DOCK4: variants seen among roughly 807,000 people sequenced by gnomAD.
The protein encoded by DOCK4 is dedicator of cytokinesis protein 4.
In DOCK4, 97 loss-of-function variants were observed where a neutral mutation model predicts 268.1. The ratio of observed to expected loss-of-function variants is 0.36; its 90% CI spans 0.31 to 0.43. DOCK4 has a LOEUF of 0.43. Ranked by LOEUF, DOCK4 falls within the 20% of genes least tolerant of loss-of-function variation. The pLI is 1.00. For synonymous variants in DOCK4, 954 were observed against 887.2 expected (o/e 1.08, Z -1.34); for missense variants, 2,145 against 2,455.7 (o/e 0.87, Z 2.67).
chr7:112,123,730 A>G (rs1420311674), intron 1 of DOCK4, among the ~76,000 whole-genome samples: 1 of 152,204 alleles, frequency 6.6e-6, no homozygotes, highest in Non-Finnish European at 1.5e-5. Flanking sequence ...ACAGCCTTGA[A>G]CTATCTTCTG....
At chr7:112,076,108 C>A (rs1467651484) in intron 1 of DOCK4, among the ~76,000 whole-genome samples, 1 of 152,048 alleles carries the variant, frequency 6.6e-6, no homozygotes, top group Non-Finnish European at 1.5e-5. Context: ...TTTCAGGTAG[C>A]CATTTAAAGA....
intron 12 of DOCK4, 185 bp downstream of exon 12, chr7:111,935,355 G>C: frequency 1.5e-6 from 1 of 665,076 alleles, no homozygotes; most frequent in Admixed American, 2.2e-5. Flanking sequence ...TTTTTATAGG[G>C]AGTTATAAGT....
At chr7:111,940,271 C>A (rs1227534606) in intron 10 of DOCK4, 29 bp from the exon 11 acceptor site, 1 of 1,613,476 alleles carries the variant, frequency 6.2e-7, no homozygotes. Flanking sequence ...ATCATTAACC[C>A]ATGGAGCCAT....
intron 31 of DOCK4, chr7:111,789,008 T>C: frequency 3.9e-6 from 2 of 511,860 alleles, no homozygotes; most frequent in South Asian, 2.5e-5. Flanking sequence ...CAAACACAAA[T>C]GCTTGCAGCC....
At chr7:111,768,612 C>T (rs1053699301) in intron 37 of DOCK4, among the ~76,000 whole-genome samples, 2 of 152,066 alleles carry the variant, frequency 1.3e-5, no homozygotes, top group Non-Finnish European at 2.9e-5. Flanking sequence ...GTACTACAAG[C>T]CCTTGAAGAG....
At chr7:112,108,589 C>A (rs1811346071) in intron 1 of DOCK4, among the ~76,000 whole-genome samples, 1 of 152,176 alleles carries the variant, frequency 6.6e-6, no homozygotes, top group Non-Finnish European at 1.5e-5. Context: ...CTTTAATTTG[C>A]AGAACCCAGT....
At chr7:111,910,000 G>A (rs1414619234) in intron 13 of DOCK4, among the ~76,000 whole-genome samples, 2 of 151,798 alleles carry the variant, frequency 1.3e-5, no homozygotes, top group Admixed American at 6.6e-5. Flanking sequence ...ACGTTTTAGG[G>A]CTAAGAGCTT....
chr7:111,729,887 T>G (rs1379334035), intron 52 of DOCK4, among the ~76,000 whole-genome samples: 1 of 152,248 alleles, frequency 6.6e-6, no homozygotes, highest in African/African-American at 2.4e-5. Flanking sequence ...GTGAGCTGTT[T>G]CCTCAGCAGT....
At chr7:112,016,873 G>A (rs894626929) in intron 1 of DOCK4, among the ~76,000 whole-genome samples, 23 of 151,996 alleles carry the variant, frequency 1.5e-4, no homozygotes, top group Admixed American at 4.6e-4. Flanking sequence ...TTTCATACAC[G>A]GCATGATCTC....
At chr7:111,741,390 T>C (rs1173789252) in intron 46 of DOCK4, 150 bp downstream of exon 46, 1 of 1,372,138 alleles carries the variant, frequency 7.3e-7, no homozygotes, top group Non-Finnish European at 1.0e-6. Flanking sequence ...GCTGTTTTAC[T>C]GGTGGCAGAG....
intron 1 of DOCK4, among the ~76,000 whole-genome samples, chr7:112,036,027 T>C (rs776183875): frequency 6.6e-6 from 1 of 151,858 alleles, no homozygotes; most frequent in East Asian, 1.9e-4. Context: ...ACAAGAAAAA[T>C]AGGCTGACCA....
At position 111,872,101 on chromosome 7, in the gene DOCK4, A is replaced by G; in HGVS notation, c.1927-11T>C. The G allele has an allele frequency of 6.6e-7, 1 of 1,516,562 alleles. No individual in the cohort carries two copies. Among genetic ancestry groups the G allele is most frequent in the South Asian group, 1.3e-5 (1 of 78,484 alleles). 93.9% of individuals were successfully genotyped at this position (1,516,562 alleles called of 1,614,324 possible). On this transcript the variant is annotated splice_polypyrimidine_tract_variant and intron_variant, in intron 19 of 52. Coordinates refer to ENST00000428084, the MANE Select transcript of DOCK4 (RefSeq NM_001363540.2). ...ATTTATTATGTGAACCTAAAAAAAG[A>G]AAATTGAGCTTTATAAAACTAAATG...
chr7:111,822,562 A>G, intron 26 of DOCK4, 106 bp from the exon 27 acceptor site: 1 of 986,298 alleles, frequency 1.0e-6, no homozygotes, highest in Middle Eastern at 2.1e-4. Flanking sequence ...TTCCAAAGCA[A>G]TTATAGAGAA....
chr7:111,872,445 A>G, intron 18 of DOCK4, 22 bp downstream of exon 18: 1 of 1,554,194 alleles, frequency 6.4e-7, no homozygotes, highest in South Asian at 1.2e-5. Context: ...TGCAAGGAAA[A>G]TAGTAATGAA....
chr7:112,201,552 G>A (rs1260939311), intron 1 of DOCK4, among the ~76,000 whole-genome samples: 1 of 151,874 alleles, frequency 6.6e-6, no homozygotes, highest in Non-Finnish European at 1.5e-5. Flanking sequence ...TGACTCATCT[G>A]TGAATCTGTG....
At chr7:111,970,786 A>G (rs1797649530) in intron 8 of DOCK4, among the ~76,000 whole-genome samples, 1 of 152,178 alleles carries the variant, frequency 6.6e-6, no homozygotes, top group African/African-American at 2.4e-5. Flanking sequence ...TGAGGAAGGT[A>G]AACTGGAAAA....
At chr7:111,915,998 A>G (rs1702046734) in intron 12 of DOCK4, 94 bp from the exon 13 acceptor site, 1 of 1,358,420 alleles carries the variant, frequency 7.4e-7, no homozygotes, top group Non-Finnish European at 1.0e-6. Context: ...TTAGAATATC[A>G]TGGTTTTAAA....
At chr7:112,178,210 T>C (rs1299669834) in intron 1 of DOCK4, among the ~76,000 whole-genome samples, 1 of 152,242 alleles carries the variant, frequency 6.6e-6, no homozygotes, top group African/African-American at 2.4e-5. Context: ...AGAGTTGTCG[T>C]GTTCTTGCTT....
intron 13 of DOCK4, among the ~76,000 whole-genome samples, chr7:111,910,811 T>A (rs1469935453): frequency 6.6e-6 from 1 of 152,170 alleles, no homozygotes; most frequent in Non-Finnish European, 1.5e-5. Flanking sequence ...CAGTTGGAAG[T>A]CTGACACTCT....
Sources: allele counts gnomAD v4.1 joint callset (sites outside exome capture counted in the v4.1 genomes callset), GRCh38; gene constraint gnomAD v4.1.1; transcripts MANE v1.5; gene names NCBI Gene and HGNC (gene_info 2026-07-23, HGNC 2026-07-21).